Variants in STK39 observed in about 807,000 individuals in gnomAD.
STK39 encodes the protein serine/threonine kinase 39.
STK39 carries 20 observed loss-of-function variants against 77.8 expected under a neutral mutation model. That is an observed-to-expected ratio of 0.26 (90% CI 0.18 to 0.37). The LOEUF (loss-of-function observed/expected upper bound fraction) is 0.37. Ranked by LOEUF, STK39 falls within the 10% of genes least tolerant of loss-of-function variation. The pLI is 1.00. For missense variants in STK39, 479 were observed against 656.5 expected, an observed-to-expected ratio of 0.73 and a Z score of 2.95; for synonymous variants, 246 against 234.1, an observed-to-expected ratio of 1.05 and a Z score of -0.47.
chr2:168,139,373 A>AT (rs1185696114), intron 7 of STK39, among the ~76,000 whole-genome samples: 2 of 148,034 alleles, frequency 1.4e-5, no homozygotes, highest in African/African-American at 5.1e-5. Context: ...ACACACACAC[A>AT]AATACACTAA....
At chr2:167,989,954 T>C (rs774656194) in intron 16 of STK39, among the ~76,000 whole-genome samples, 3 of 152,134 alleles carry the variant, frequency 2.0e-5, no homozygotes, top group Non-Finnish European at 4.4e-5. Flanking sequence ...AAATTTCCAG[T>C]TGGCATCAGA....
At chr2:167,993,559 C>T (rs1161148420) in intron 16 of STK39, among the ~76,000 whole-genome samples, 1 of 152,176 alleles carries the variant, frequency 6.6e-6, no homozygotes, top group Non-Finnish European at 1.5e-5. Context: ...ATAAAATCAA[C>T]ACTGTGGAGA....
intron 1 of STK39, among the ~76,000 whole-genome samples, chr2:168,229,761 T>G (rs1321620476): frequency 1.3e-5 from 2 of 152,216 alleles, no homozygotes; most frequent in African/African-American, 4.8e-5. Context: ...ACAATCTATG[T>G]TTTTAATGTG....
intron 1 of STK39, among the ~76,000 whole-genome samples, chr2:168,191,609 G>C (rs1321926903): frequency 6.6e-6 from 1 of 152,052 alleles, no homozygotes; most frequent in Non-Finnish European, 1.5e-5. Flanking sequence ...GGAGGCCTGG[G>C]ATCTGCATTT....
intron 1 of STK39, among the ~76,000 whole-genome samples, chr2:168,237,480 T>C (rs1463518245): frequency 1.3e-5 from 2 of 152,226 alleles, no homozygotes; most frequent in Non-Finnish European, 2.9e-5. Context: ...TCCAACACTA[T>C]GTTGAATAGG....
intron 10 of STK39, among the ~76,000 whole-genome samples, chr2:168,123,698 G>A (rs1226156234): frequency 6.6e-6 from 1 of 151,780 alleles, no homozygotes; most frequent in African/African-American, 2.4e-5. Context: ...GTGAAATCCC[G>A]TCTCTTCTAA....
chr2:168,044,185 T>G (rs1685179428), intron 14 of STK39, among the ~76,000 whole-genome samples: 1 of 152,186 alleles, frequency 6.6e-6, no homozygotes, highest in Non-Finnish European at 1.5e-5. Context: ...GGAAGATCCT[T>G]GCAATACTGT....
intron 14 of STK39, among the ~76,000 whole-genome samples, chr2:168,018,482 G>C (rs1344231576): frequency 6.8e-6 from 1 of 147,614 alleles, no homozygotes; most frequent in Non-Finnish European, 1.5e-5. Flanking sequence ...GGCAGAGCAA[G>C]AGTTCATCTC....
In STK39 at chr2:168,049,465, A is replaced by C. The variant is rs535895913; in HGVS notation, c.1376+14035T>G. Among the ~76,000 whole-genome samples the C allele has an allele frequency of 1.8e-4, 27 of 152,344 alleles. 1 individual carries two copies. The South Asian group carries it at 5.0e-3, about 28-fold the overall frequency. ...CTGGACTTTTCTTTCATTGGAAGCT[A>C]TCCAGGGCATCATTTAAATGAGGAC... On this transcript the variant is annotated intron_variant, in intron 14 of 17. Coordinates refer to ENST00000355999, the MANE Select transcript of STK39 (RefSeq NM_013233.3).
At chr2:168,107,335 G>A (rs1687000923) in intron 10 of STK39, among the ~76,000 whole-genome samples, 2 of 152,310 alleles carry the variant, frequency 1.3e-5, no homozygotes, top group African/African-American at 2.4e-5. Flanking sequence ...ACACCTTGAT[G>A]CAGGGAAATA....
chr2:168,229,591 A>T (rs1480257138), intron 1 of STK39, among the ~76,000 whole-genome samples: 1 of 152,184 alleles, frequency 6.6e-6, no homozygotes, highest in Non-Finnish European at 1.5e-5. Flanking sequence ...CGGGGAATAA[A>T]ATATTGCTGG....
rs201776670 is a variant in STK39, at chr2:167,955,065, A to G, written c.*431T>C. The stretch of plus-strand genomic sequence containing the variant: ...AAGAGGCAGTATTGTCAGATGTACA[A>G]TTAAAGTATTATAACAGAAATAACA... On this transcript the variant is annotated 3_prime_UTR_variant, in exon 18 of 18. Coordinates refer to ENST00000355999, the MANE Select transcript of STK39 (RefSeq NM_013233.3). 1 of 153,868 alleles carries G rather than the reference A, an allele frequency of 6.5e-6. No homozygotes were observed. Among genetic ancestry groups the G allele is most frequent in the Non-Finnish European group, 1.5e-5 (1 of 68,838 alleles). The allele number at this position is 153,868 out of a possible 1,614,324, so 9.5% of individuals were successfully genotyped here.
At chr2:167,957,097 A>T (rs1691806465) in intron 17 of STK39, among the ~76,000 whole-genome samples, 1 of 152,114 alleles carries the variant, frequency 6.6e-6, no homozygotes, top group African/African-American at 2.4e-5. Context: ...CAACTCTAGC[A>T]TTTTCTATTA....
At chr2:168,148,123 T>G (rs1688189301) in intron 5 of STK39, among the ~76,000 whole-genome samples, 1 of 152,254 alleles carries the variant, frequency 6.6e-6, no homozygotes, top group Non-Finnish European at 1.5e-5. Flanking sequence ...ATTGCAATGC[T>G]TATTCAATTA....
At chr2:168,110,128 T>C (rs1233654854) in intron 10 of STK39, among the ~76,000 whole-genome samples, 2 of 152,262 alleles carry the variant, frequency 1.3e-5, no homozygotes, top group African/African-American at 4.8e-5. Context: ...CAATAGGTTT[T>C]CTTTATCTAA....
At chr2:168,017,460 A>ACCTCCATCT (rs11282758) in intron 14 of STK39, among the ~76,000 whole-genome samples, 1 of 143,224 alleles carries the variant, frequency 7.0e-6, no homozygotes, top group African/African-American at 2.6e-5. Flanking sequence ...TCTCACTGCA[A>ACCTCCATCT]CCCAGGTTCA....
intron 1 of STK39, among the ~76,000 whole-genome samples, chr2:168,240,338 G>C (rs1517324): frequency 0.21 from 31,861 of 152,208 alleles, 4,272 homozygotes; most frequent in Non-Finnish European, 0.3. Flanking sequence ...ACGTGATCAA[G>C]AATTTTGGTA....
At chr2:168,087,175 T>C (rs945996052) in intron 10 of STK39, among the ~76,000 whole-genome samples, 1 of 151,904 alleles carries the variant, frequency 6.6e-6, no homozygotes, top group Admixed American at 6.6e-5. Flanking sequence ...AGAGTCGAGG[T>C]TGCTTAGGAT....
chr2:168,110,965 T>G (rs1687106914), intron 10 of STK39, among the ~76,000 whole-genome samples: 7 of 152,168 alleles, frequency 4.6e-5, no homozygotes. Flanking sequence ...TTTTATACTT[T>G]TTCTGCCTAA....
Sources: gnomAD v4.1 joint callset for allele counts (sites outside exome capture counted in the v4.1 genomes callset) on GRCh38, gnomAD v4.1.1 for gene constraint, MANE v1.5 for transcripts, NCBI Gene and HGNC (gene_info 2026-07-23, HGNC 2026-07-21) for gene names.